POU6F2: variants seen among roughly 807,000 people sequenced by gnomAD.
POU6F2 encodes the protein POU class 6 homeobox 2, also known as POU domain, class 6, transcription factor 2.
POU6F2 carries 31 observed loss-of-function variants against 71.3 expected under a neutral mutation model. The ratio of observed to expected loss-of-function variants is 0.43; its 90% CI spans 0.33 to 0.59. POU6F2 has a LOEUF of 0.59. Among genes scored for constraint, POU6F2 ranks in the 20% least tolerant of loss-of-function variants. The probability of loss-of-function intolerance (pLI) is 0.04; values close to 1 mark genes in which losing one functional copy is unlikely to be tolerated. For synonymous variants in POU6F2, 347 were observed against 355.7 expected (o/e 0.98, Z 0.27); for missense variants, 783 against 856.8 (o/e 0.91, Z 1.07).
At position 39,369,243 on chromosome 7, in the gene POU6F2, C is replaced by G. The variant is rs77477738; in HGVS notation, c.972+29228C>G. Among the ~76,000 whole-genome samples, 1,273 of 152,288 alleles carry G rather than the reference C, an allele frequency of 8.4e-3. 19 individuals are homozygous for G. The highest frequency in any genetic ancestry group is 0.029 in the African/African-American group (1,186 of 41,552). On this transcript the variant is annotated intron_variant, in intron 5 of 9. Coordinates refer to ENST00000518318, the MANE Select transcript of POU6F2 (RefSeq NM_001370959.1). ...AAATTAAAAATTTCCACAGCCAGCC[C>G]AACCTCCAGCAACCACCACCTCTGT...
chr7:39,254,030 A>G (rs774512977), intron 4 of POU6F2, among the ~76,000 whole-genome samples: 1 of 152,028 alleles, frequency 6.6e-6, no homozygotes, highest in Non-Finnish European at 1.5e-5. Context: ...GTGTCCATTG[A>G]TCTCTGCTTC....
intron 2 of POU6F2, among the ~76,000 whole-genome samples, chr7:39,188,695 G>GA (rs1395216876): frequency 4.6e-5 from 7 of 152,182 alleles, no homozygotes; most frequent in African/African-American, 2.4e-5. Context: ...GAATTTTGCA[G>GA]AATCTAATTT....
At chr7:39,212,889 C>G (rs1333347501) in intron 4 of POU6F2, among the ~76,000 whole-genome samples, 1 of 152,102 alleles carries the variant, frequency 6.6e-6, no homozygotes, top group South Asian at 2.1e-4. Context: ...GTGTTGGATC[C>G]TTTGCTTTTT....
chr7:39,336,566 T>C (rs1248293221), intron 4 of POU6F2, among the ~76,000 whole-genome samples: 1 of 152,202 alleles, frequency 6.6e-6, no homozygotes, highest in African/African-American at 2.4e-5. Context: ...GGATTCCTGG[T>C]CACTTTCAGT....
chr7:39,172,169 A>G (rs898185391), intron 2 of POU6F2, among the ~76,000 whole-genome samples: 1 of 152,196 alleles, frequency 6.6e-6, no homozygotes, highest in Non-Finnish European at 1.5e-5. Context: ...TTTTCTTTGC[A>G]CATTTGTGTT....
At chr7:39,173,165 G>A (rs926128580) in intron 2 of POU6F2, among the ~76,000 whole-genome samples, 1 of 152,170 alleles carries the variant, frequency 6.6e-6, no homozygotes, top group Non-Finnish European at 1.5e-5. Flanking sequence ...TGTTAGAAAT[G>A]GACCTACGCA....
intron 4 of POU6F2, among the ~76,000 whole-genome samples, chr7:39,315,455 T>A: frequency 6.6e-6 from 1 of 152,134 alleles, no homozygotes; most frequent in East Asian, 1.9e-4. Flanking sequence ...CCATAAACAT[T>A]TTGATTGCAT....
At chr7:39,194,246 G>A (rs1471275111) in intron 2 of POU6F2, among the ~76,000 whole-genome samples, 1 of 152,224 alleles carries the variant, frequency 6.6e-6, no homozygotes, top group Non-Finnish European at 1.5e-5. Flanking sequence ...CAAAAGGAAA[G>A]TGAAAAAGAA....
chr7:39,433,414 G>C, intron 7 of POU6F2, 131 bp downstream of exon 7: 1 of 972,342 alleles, frequency 1.0e-6, no homozygotes, highest in Non-Finnish European at 1.5e-6. Flanking sequence ...TGAACATATC[G>C]ATACTTATAA....
Position 39,460,742 on chromosome 7 carries a change from T to C in POU6F2, c.1658+27T>C. The stretch of plus-strand genomic sequence containing the variant: ...TAACGCGCGCCTGCATGCTGTCACC[T>C]CTTCTAGCCGCCCTGGGCCTCATTT... On this transcript the variant is annotated intron_variant, in intron 9 of 9. Transcript: ENST00000518318. This position sits in a 1 kb window ranked among gnomAD's most constrained non-coding sequence, Gnocchi z 4.4. The C allele has an allele frequency of 2.6e-6, 4 of 1,547,624 alleles. No individual in the cohort carries two copies. The highest frequency in any genetic ancestry group is 2.0e-4 in the Middle Eastern group (1 of 5,000).
At chr7:39,302,959 A>G (rs929767073) in intron 4 of POU6F2, among the ~76,000 whole-genome samples, 1 of 152,230 alleles carries the variant, frequency 6.6e-6, no homozygotes, top group African/African-American at 2.4e-5. Flanking sequence ...GGTCCTACCC[A>G]GAGTATATCA....
At chr7:38,995,578 T>G (rs1387633083) in intron 1 of POU6F2, among the ~76,000 whole-genome samples, 1 of 152,196 alleles carries the variant, frequency 6.6e-6, no homozygotes, top group Non-Finnish European at 1.5e-5. Context: ...CTTGTAGAAT[T>G]ATAAGGTCCC....
chr7:39,206,231 T>A (rs1794009731), intron 3 of POU6F2, among the ~76,000 whole-genome samples: 1 of 152,194 alleles, frequency 6.6e-6, no homozygotes, highest in Admixed American at 6.5e-5. Context: ...ATGAAAGTCC[T>A]GAATCAAGGA....
intron 1 of POU6F2, among the ~76,000 whole-genome samples, chr7:39,056,630 TTCTC>T (rs1488905288): frequency 1.3e-5 from 2 of 149,720 alleles, no homozygotes; most frequent in African/African-American, 4.9e-5. Context: ...CTCTCCTTGT[TTCTC>T]TCTCTTTCTC....
At chr7:39,240,828 T>C (rs1367782108) in intron 4 of POU6F2, among the ~76,000 whole-genome samples, 1 of 152,146 alleles carries the variant, frequency 6.6e-6, no homozygotes, top group East Asian at 1.9e-4. Context: ...TTTTCAGCCA[T>C]ACAGAAAATC....
chr7:39,177,875 C>T (rs2128740607), intron 2 of POU6F2, among the ~76,000 whole-genome samples: 1 of 152,150 alleles, frequency 6.6e-6, no homozygotes, highest in Admixed American at 6.5e-5. Flanking sequence ...GTACTCTACT[C>T]CTCTTGCTAT....
chr7:39,046,568 A>G (rs1208848261), intron 1 of POU6F2, among the ~76,000 whole-genome samples: 2 of 151,834 alleles, frequency 1.3e-5, no homozygotes, highest in African/African-American at 4.8e-5. Context: ...CATTCTTGCT[A>G]TTTTCTTCTC....
At chr7:39,191,936 TC>T (rs1793678856) in intron 2 of POU6F2, among the ~76,000 whole-genome samples, 1 of 152,152 alleles carries the variant, frequency 6.6e-6, no homozygotes. Context: ...AGGAAAAAAG[TC>T]TCCAACAATC....
chr7:39,408,720 A>G (rs537974853), intron 6 of POU6F2, among the ~76,000 whole-genome samples: 13 of 152,226 alleles, frequency 8.5e-5, no homozygotes, highest in East Asian at 1.9e-4. Flanking sequence ...CATGTGCCCA[A>G]TGGGGTCATG....
Sources: allele counts gnomAD v4.1 joint callset (sites outside exome capture counted in the v4.1 genomes callset), GRCh38; gene constraint gnomAD v4.1.1; non-coding constraint Gnocchi (gnomAD v3.1); transcripts MANE v1.5; gene names NCBI Gene and HGNC (gene_info 2026-07-23, HGNC 2026-07-21).